Variants in DDHD1 observed in about 807,000 individuals in gnomAD.
DDHD1 encodes phospholipase DDHD1.
A neutral mutation model predicts 96.4 loss-of-function variants in DDHD1; 49 were observed. The observed-to-expected ratio is 0.51, with a 90% CI of 0.40 to 0.64. The LOEUF is 0.64. Among genes scored for constraint, DDHD1 ranks in the 30% least tolerant of loss-of-function variants. The pLI is 0.00. For missense variants in DDHD1, 1,106 were observed against 1,161.2 expected, an observed-to-expected ratio of 0.95 and a Z score of 0.69; for synonymous variants, 442 against 446.5, an observed-to-expected ratio of 0.99 and a Z score of 0.13.
At position 53,103,744 on chromosome 14, in the gene DDHD1, C is replaced by T. The variant is rs1566568332; in HGVS notation, c.951G>A (p.Arg317=). The change falls in exon 2 of 13, where the codon AGG becomes AGA. Residue 317 remains arginine (R), a synonymous_variant. Transcript: ENST00000673822. The part of the protein sequence containing the change: ...LIEQEHLNCF[R]GQQMQENFDI... ...CGAAATTTTCCTGCATCTGCTGGCC[C>T]CTAAAACAATTGAGATGTTCTTGCT... 1.9e-6 allele frequency: 3 copies of T among 1,613,450 alleles called. No homozygotes were observed. Among genetic ancestry groups the T allele is most frequent in the Non-Finnish European group, 1.7e-6 (2 of 1,179,822 alleles).
intron 1 of DDHD1, among the ~76,000 whole-genome samples, chr14:53,112,759 T>G (rs750859510): frequency 2.8e-4 from 42 of 152,264 alleles, no homozygotes; most frequent in Non-Finnish European, 5.1e-4. Flanking sequence ...CCAGTATAAT[T>G]TGTGGAGCCT....
chr14:53,054,355 G>A, intron 11 of DDHD1, 83 bp downstream of exon 11: 1 of 1,249,320 alleles, frequency 8.0e-7, no homozygotes, highest in South Asian at 1.6e-5. Flanking sequence ...TGACTAGCTA[G>A]TATTAATATT....
chr14:53,084,549 A>C (rs1404543420), intron 4 of DDHD1, among the ~76,000 whole-genome samples: 2 of 152,228 alleles, frequency 1.3e-5, no homozygotes, highest in Non-Finnish European at 2.9e-5. Context: ...TCAGGATCAG[A>C]GTGAAGAGAT....
At chr14:53,092,083 A>C (rs1414956563) in intron 3 of DDHD1, 151 bp from the exon 4 acceptor site, 3 of 639,792 alleles carry the variant, frequency 4.7e-6, no homozygotes, top group Non-Finnish European at 7.7e-6. Context: ...GAAGGTATAT[A>C]TTGATCAGCT....
At chr14:53,144,508 T>C (rs147482895) in intron 1 of DDHD1, among the ~76,000 whole-genome samples, 52 of 152,354 alleles carry the variant, frequency 3.4e-4, no homozygotes, top group African/African-American at 1.2e-3. Context: ...TGGTTTGAAG[T>C]AGATTCTCTC....
chr14:53,145,279 G>A (rs1488366268), intron 1 of DDHD1, among the ~76,000 whole-genome samples: 2 of 151,982 alleles, frequency 1.3e-5, no homozygotes, highest in East Asian at 3.9e-4. Context: ...CAGGAGGGCT[G>A]CTTGAGCCCA....
chr14:53,103,370 A>G (rs192880390), intron 2 of DDHD1: 1 of 357,306 alleles, frequency 2.8e-6, no homozygotes, highest in Admixed American at 4.4e-5. Context: ...TTTTGGGTTA[A>G]GTTCAATTTC....
At position 53,064,765 on chromosome 14, in the gene DDHD1, C is replaced by CAT. The variant is rs1407401302; in HGVS notation, c.1504-1562_1504-1561dup. 5.9e-5 allele frequency among the ~76,000 whole-genome samples: 9 copies of CAT among 152,044 alleles called. No individual in the cohort carries two copies. The East Asian group carries it at 1.2e-3, about 19-fold the overall frequency. ...GCATTTTCTTTTTCTATTGCTTATG[C>CAT]ATATATATGAGACATCTATGGTCAG... is the stretch of plus-strand genomic sequence containing the variant. On this transcript the variant is annotated intron_variant, in intron 6 of 12. Transcript: ENST00000673822.
At position 53,040,817 on chromosome 14, in the gene DDHD1, G is replaced by A. The variant is rs1273237957; in HGVS notation, c.*5951C>T. The A allele has an allele frequency of 2.0e-5, 3 of 152,076 alleles. No individual in the cohort carries two copies. The highest frequency in any genetic ancestry group is 4.4e-5 in the Non-Finnish European group (3 of 68,016). 9.4% of individuals were successfully genotyped at this position (152,076 alleles called of 1,614,324 possible). A position where few individuals can be genotyped will look rare whatever the true frequency, so the allele number is the denominator to read the frequency against. ...TGATTGCAGTCATTGACAACATTTAGTAGTGTTAGAGAGAGTGAACATAAG... is the reference window on the plus strand; with the variant it reads ...TGATTGCAGTCATTGACAACATTTAATAGTGTTAGAGAGAGTGAACATAAG... On this transcript the variant is annotated 3_prime_UTR_variant, in exon 13 of 13. Coordinates refer to ENST00000673822, the MANE Select transcript of DDHD1 (RefSeq NM_001160148.2).
chr14:53,080,926 T>C (rs528910734), intron 4 of DDHD1, among the ~76,000 whole-genome samples: 31 of 152,294 alleles, frequency 2.0e-4, no homozygotes, highest in African/African-American at 6.0e-4. Flanking sequence ...TGTGATCCAA[T>C]TGAAATTTAT....
chr14:53,102,933 C>A, intron 2 of DDHD1: 1 of 1,209,314 alleles, frequency 8.3e-7, no homozygotes, highest in Non-Finnish European at 1.2e-6. Flanking sequence ...TGCCAAGAAA[C>A]CTCCCAAATA....
intron 2 of DDHD1, among the ~76,000 whole-genome samples, chr14:53,097,374 A>C (rs1886966295): frequency 6.6e-6 from 1 of 152,016 alleles, no homozygotes; most frequent in Non-Finnish European, 1.5e-5. Context: ...ACAAAACTAT[A>C]AACTGGAACT....
In DDHD1 at chr14:53,121,935, A is replaced by AAG. The variant is rs1555340237; in HGVS notation, c.839-18080_839-18079insCT. Among the ~76,000 whole-genome samples the AAG allele has an allele frequency of 3.9e-3, 579 of 149,946 alleles. 4 individuals carry two copies. The highest frequency in any genetic ancestry group is 0.013 in the African/African-American group (516 of 40,848). Reference sequence around the variant, plus strand: ...ATCCCAGAACGTTAAAAAAAAAAAAAGGGCAAATGATACTGTGTAAATTAT... The same window carrying AAG: ...ATCCCAGAACGTTAAAAAAAAAAAAAAGGGGCAAATGATACTGTGTAAATTAT... On this transcript the variant is annotated intron_variant, in intron 1 of 12. Coordinates refer to ENST00000673822, the MANE Select transcript of DDHD1 (RefSeq NM_001160148.2).
At chr14:53,102,246 C>T (rs1223331551) in intron 2 of DDHD1, among the ~76,000 whole-genome samples, 1 of 152,006 alleles carries the variant, frequency 6.6e-6, no homozygotes, top group Non-Finnish European at 1.5e-5. Flanking sequence ...TGAAATATTT[C>T]AGTCACTACC....
chr14:53,063,894 T>C (rs1365395117), intron 6 of DDHD1, among the ~76,000 whole-genome samples: 1 of 152,140 alleles, frequency 6.6e-6, no homozygotes, highest in Non-Finnish European at 1.5e-5. Flanking sequence ...GTGCTTTCTT[T>C]GAAATTAAGC....
chr14:53,088,246 A>G (rs1001269683), intron 4 of DDHD1, among the ~76,000 whole-genome samples: 1 of 152,232 alleles, frequency 6.6e-6, no homozygotes, highest in African/African-American at 2.4e-5. Flanking sequence ...AGGTACAAAG[A>G]GGAGCTGGTG....
intron 1 of DDHD1, among the ~76,000 whole-genome samples, chr14:53,107,681 C>T (rs890459780): frequency 3.3e-5 from 5 of 152,142 alleles, no homozygotes; most frequent in African/African-American, 9.7e-5. Context: ...GTCCCAGCTA[C>T]TTGGGAGGCT....
intron 12 of DDHD1, among the ~76,000 whole-genome samples, chr14:53,049,729 A>T (rs1882372412): frequency 6.6e-6 from 1 of 152,072 alleles, no homozygotes; most frequent in Non-Finnish European, 1.5e-5. Flanking sequence ...CAAGTGACAG[A>T]ATTTCTCTAT....
At position 53,152,967 on chromosome 14, in the gene DDHD1, C is replaced by A. The variant is rs1471524257; in HGVS notation, c.132G>T (p.Leu44=). 3 of 1,583,146 alleles carry A rather than the reference C, an allele frequency of 1.9e-6. No individual in the cohort carries two copies. The highest frequency in any genetic ancestry group is 1.4e-5 in the African/African-American group (1 of 73,866). The change falls in exon 1 of 13, where the codon CTG becomes CTT. Residue 44 remains leucine (L), a synonymous_variant. Transcript: ENST00000673822. ...FGGGVCCFEH[L]PGGDPDDGDV... is the part of the protein sequence containing the mutation. ...CGCCGTCGTCCGGGTCCCCGCCGGG[C>A]AGGTGCTCGAAGCAGCAGACGCCGC...
Sources: allele counts gnomAD v4.1 joint callset (sites outside exome capture counted in the v4.1 genomes callset), GRCh38; gene constraint gnomAD v4.1.1; transcripts MANE v1.5; gene names NCBI Gene and HGNC (gene_info 2026-07-23, HGNC 2026-07-21).